The following VEPH1 variants were observed in gnomAD, a reference collection of about 807,000 sequenced individuals.
VEPH1 encodes ventricular zone expressed PH domain containing 1.
In VEPH1, 80 loss-of-function variants were observed where a neutral mutation model predicts 85.2. That is an observed-to-expected ratio of 0.94 (90% CI 0.78 to 1.13). The LOEUF (loss-of-function observed/expected upper bound fraction) is 1.13, where lower values mean the gene tolerates loss of function less well. VEPH1 is among the 50% of genes most tolerant of loss of function. VEPH1 has a pLI of 0.00. For synonymous variants in VEPH1, 297 were observed against 348.0 expected (o/e 0.85, Z 1.63); for missense variants, 955 against 980.5 (o/e 0.97, Z 0.35).
intron 9 of VEPH1, among the ~76,000 whole-genome samples, chr3:157,329,584 G>A (rs1245792421): frequency 6.6e-6 from 1 of 150,588 alleles, no homozygotes; most frequent in African/African-American, 2.4e-5. Flanking sequence ...CAATGATGAT[G>A]ACATCAATCA....
At chr3:157,478,367 A>G (rs999002388) in intron 2 of VEPH1, among the ~76,000 whole-genome samples, 2 of 152,132 alleles carry the variant, frequency 1.3e-5, no homozygotes, top group East Asian at 3.8e-4. Context: ...GCACTCCCCT[A>G]TAAATGTTCT....
chr3:157,322,623 G>C (rs73018215), intron 9 of VEPH1, among the ~76,000 whole-genome samples: 2,616 of 152,288 alleles, frequency 0.017, 85 homozygotes, highest in African/African-American at 0.06. Context: ...TGTGAGGGCT[G>C]TCCAGAGCAG....
intron 4 of VEPH1, chr3:157,459,435 G>T: frequency 4.3e-6 from 1 of 232,440 alleles, no homozygotes; most frequent in Non-Finnish European, 7.5e-6. Flanking sequence ...ACCTTATCAT[G>T]TGGTGGGTTA....
intron 6 of VEPH1, among the ~76,000 whole-genome samples, chr3:157,382,087 G>T (rs1728844077): frequency 1.3e-5 from 2 of 152,180 alleles, no homozygotes; most frequent in South Asian, 2.1e-4. Flanking sequence ...GTCTGTCGGG[G>T]TGATGGTTGC....
At chr3:157,416,843 GAAAA>G (rs1430762925) in intron 5 of VEPH1, among the ~76,000 whole-genome samples, 1 of 150,014 alleles carries the variant, frequency 6.7e-6, no homozygotes, top group Non-Finnish European at 1.5e-5. Context: ...AATAAAGAAA[GAAAA>G]GAAAGAGAGA....
intron 9 of VEPH1, among the ~76,000 whole-genome samples, chr3:157,349,185 A>G (rs1005790065): frequency 6.6e-6 from 1 of 152,264 alleles, no homozygotes; most frequent in African/African-American, 2.4e-5. Context: ...ATAATACACC[A>G]TGATTAAGTG....
chr3:157,468,972 A>G (rs1219501107), intron 3 of VEPH1, among the ~76,000 whole-genome samples: 1 of 152,162 alleles, frequency 6.6e-6, no homozygotes, highest in Non-Finnish European at 1.5e-5. Context: ...GTGCTGCCCT[A>G]AAGACGAGTG....
At chr3:157,486,548 T>C (rs1738669740) in intron 2 of VEPH1, among the ~76,000 whole-genome samples, 1 of 152,008 alleles carries the variant, frequency 6.6e-6, no homozygotes, top group African/African-American at 2.4e-5. Flanking sequence ...ACTCACATTC[T>C]GGGCTTGATT....
chr3:157,281,101 T>TGTGTGTGTGA (rs371002819), intron 12 of VEPH1, among the ~76,000 whole-genome samples: 40 of 148,736 alleles, frequency 2.7e-4, no homozygotes, highest in Non-Finnish European at 3.6e-4. Flanking sequence ...TGTGTGTGTG[T>TGTGTGTGTGA]GAGAGAGAGA....
chr3:157,478,486 A>G (rs1374818568), intron 2 of VEPH1, among the ~76,000 whole-genome samples: 2 of 152,178 alleles, frequency 1.3e-5, no homozygotes, highest in Non-Finnish European at 2.9e-5. Context: ...ATAAATGGCA[A>G]TGAGATGTTT....
At chr3:157,365,873 T>C (rs747575957) in intron 7 of VEPH1, among the ~76,000 whole-genome samples, 1 of 152,176 alleles carries the variant, frequency 6.6e-6, no homozygotes. Context: ...TTAGGGGTTA[T>C]TATGACGGTT....
chr3:157,454,157 T>G (rs978403623), intron 4 of VEPH1, among the ~76,000 whole-genome samples: 3 of 152,204 alleles, frequency 2.0e-5, no homozygotes, highest in African/African-American at 7.2e-5. Context: ...CTATAAAATT[T>G]GTTTCAAAAA....
At chr3:157,442,265 T>G in intron 4 of VEPH1, 1 of 1,104,120 alleles carries the variant, frequency 9.1e-7, no homozygotes, top group Non-Finnish European at 1.3e-6. Flanking sequence ...TAGCTTTCAA[T>G]TGTAATAATT....
intron 2 of VEPH1, among the ~76,000 whole-genome samples, chr3:157,484,245 G>A (rs947850339): frequency 3.3e-5 from 5 of 152,120 alleles, no homozygotes; most frequent in African/African-American, 1.2e-4. Flanking sequence ...GACTTTTTTA[G>A]AAAAACAAGC....
chr3:157,447,948 T>C (rs1012276221), intron 4 of VEPH1, among the ~76,000 whole-genome samples: 1 of 152,024 alleles, frequency 6.6e-6, no homozygotes, highest in Non-Finnish European at 1.5e-5. Context: ...CAATTGGTGA[T>C]GACAAAAACA....
intron 2 of VEPH1, among the ~76,000 whole-genome samples, chr3:157,478,383 G>A (rs556513770): frequency 6.6e-6 from 1 of 152,228 alleles, no homozygotes; most frequent in Admixed American, 6.5e-5. Flanking sequence ...GTTCTGCATG[G>A]TAATCACCAT....
chr3:157,372,550 G>C (rs1169212639), intron 7 of VEPH1, among the ~76,000 whole-genome samples: 1 of 152,188 alleles, frequency 6.6e-6, no homozygotes, highest in African/African-American at 2.4e-5. Context: ...ACACTGGTGT[G>C]TGTTCATCAC....
intron 1 of VEPH1, 68 bp downstream of exon 1, chr3:157,503,209 C>G (rs1740251140): frequency 6.6e-6 from 1 of 152,232 alleles, no homozygotes; most frequent in Admixed American, 6.5e-5. Flanking sequence ...TCTTTGCAGC[C>G]TCTGACATTT....
chr3:157,469,447 G>A (rs1736712298), intron 3 of VEPH1, among the ~76,000 whole-genome samples: 1 of 152,228 alleles, frequency 6.6e-6, no homozygotes, highest in African/African-American at 2.4e-5. Flanking sequence ...GATGTTCATA[G>A]TGTTGTGTTG....
Sources: gnomAD v4.1 joint callset for allele counts (sites outside exome capture counted in the v4.1 genomes callset) on GRCh38, gnomAD v4.1.1 for gene constraint, MANE v1.5 for transcripts, NCBI Gene and HGNC (gene_info 2026-07-23, HGNC 2026-07-21) for gene names.